Variants in YBEY observed in about 807,000 individuals in gnomAD.
YBEY encodes the protein endoribonuclease YbeY.
In YBEY, 15 loss-of-function variants were observed where a neutral mutation model predicts 13.5. That is an observed-to-expected ratio of 1.11 (90% CI 0.75 to 1.72). The LOEUF (loss-of-function observed/expected upper bound fraction) is 1.72. YBEY is among the 40% of genes most tolerant of loss of function. YBEY has a pLI of 0.00. For missense variants in YBEY, 244 were observed against 208.4 expected (o/e 1.17, Z -1.05); for synonymous variants, 101 against 83.1 (o/e 1.21, Z -1.17).
At chr21:46,311,779 C>T in the YBEY span, 6 of 395,592 alleles carry the variant, frequency 1.5e-5, no homozygotes, top group Middle Eastern at 7.0e-4. Context: ...ATCCACCCAC[C>T]CATCCATCCA....
the YBEY span, among the ~76,000 whole-genome samples, chr21:46,303,984 C>T: frequency 7.0e-6 from 1 of 141,908 alleles, no homozygotes; most frequent in East Asian, 2.1e-4. Context: ...ATCTCCTGAC[C>T]TCATGATCCA....
At chr21:46,307,932 A>T in the YBEY span, among the ~76,000 whole-genome samples, 1 of 152,092 alleles carries the variant, frequency 6.6e-6, no homozygotes, top group Non-Finnish European at 1.5e-5. Flanking sequence ...AATAACTAGA[A>T]CTCACAAACA....
At chr21:46,303,311 C>T in the YBEY span, among the ~76,000 whole-genome samples, 1 of 151,936 alleles carries the variant, frequency 6.6e-6, no homozygotes, top group South Asian at 2.1e-4. Context: ...TGCACTCTAG[C>T]CTGGGTAACA....
chr21:46,293,370 G>T (rs373323390), intron 3 of YBEY, among the ~76,000 whole-genome samples: 1 of 5,908 alleles, frequency 1.7e-4, no homozygotes, highest in African/African-American at 3.7e-4. Context: ...AGTCAGCCAC[G>T]CAAGTTAGAC....
chr21:46,299,265 G>GC (rs1005333333), downstream of YBEY, among the ~76,000 whole-genome samples: 3 of 152,060 alleles, frequency 2.0e-5, no homozygotes, highest in Admixed American at 2.0e-4. Flanking sequence ...GCTGTGCCTG[G>GC]CCCCAACCCT....
the YBEY span, among the ~76,000 whole-genome samples, chr21:46,303,190 T>G: frequency 6.6e-6 from 1 of 151,642 alleles, no homozygotes; most frequent in East Asian, 2.0e-4. Flanking sequence ...TTAAAACATC[T>G]AAGCCAGTTG....
the YBEY span, among the ~76,000 whole-genome samples, chr21:46,309,974 G>C: frequency 6.6e-6 from 1 of 152,084 alleles, no homozygotes; most frequent in African/African-American, 2.4e-5. Flanking sequence ...TCCAGCCTAG[G>C]CGACAGGCAA....
downstream of YBEY, chr21:46,301,711 GC>G: frequency 4.2e-6 from 5 of 1,181,848 alleles, no homozygotes; most frequent in Non-Finnish European, 4.2e-6. Context: ...GGCCGGCGCC[GC>G]CCTACAGGAA....
Position 46,296,194 on chromosome 21 carries a change from G to A in YBEY, c.372G>A (p.Leu124=), listed in dbSNP as rs757432968. The stretch of plus-strand genomic sequence containing the variant: ...CCACCCACGGACTCTGTCACTTGCT[G>A]GGATTCACACACGGCACGGAGGCAG... The part of the protein sequence containing the change: ...VTATHGLCHL[L]GFTHGTEAEW... The change falls in exon 4 of 5, where the codon CTG becomes CTA. Residue 124 remains leucine (L), a synonymous_variant. Transcript: ENST00000397701. 9.3e-6 allele frequency: 15 copies of A among 1,613,728 alleles called. No homozygotes were observed. In the African/African-American group the frequency reaches 1.1e-4, roughly 11 times the overall value.
rs772126564 is a variant in YBEY at position 46,291,372 on chromosome 21, A to G, written c.249A>G (p.Pro83=). ...GTGAATTTCCCCAGCCTGATTTTCC[A>G]GATGACTACAATTTGGGAGACATTT... is the stretch of plus-strand genomic sequence containing the variant. The part of the protein sequence containing the change: ...KAGEFPQPDF[P]DDYNLGDIFL... The change falls in exon 3 of 5, where the codon CCA becomes CCG. Residue 83 remains proline, a synonymous_variant. Transcript: ENST00000397701. The G allele has an allele frequency of 6.8e-6, 11 of 1,614,042 alleles. No homozygotes were observed. The African/African-American group carries it at 1.3e-4, about 20-fold the overall frequency.
intron 3 of YBEY, 150 bp from the exon 4 acceptor site, chr21:46,296,012 T>A: frequency 1.4e-6 from 1 of 690,514 alleles, no homozygotes; most frequent in South Asian, 1.7e-5. Context: ...GAACTGAAGC[T>A]GAGTGCCTGT....
chr21:46,292,850 ACG>A (rs2081789550), intron 3 of YBEY, among the ~76,000 whole-genome samples: 2 of 132,572 alleles, frequency 1.5e-5, no homozygotes, highest in Non-Finnish European at 1.7e-5. Context: ...GGAGTCAGCC[ACG>A]CAAGTTAAAC....
Position 46,287,096 on chromosome 21 carries a change from C to A in YBEY, c.183C>A (p.Thr61=). The A allele has an allele frequency of 1.9e-6, 3 of 1,608,738 alleles. No individual in the cohort carries two copies. The highest frequency in any genetic ancestry group is 2.5e-6 in the Non-Finnish European group (3 of 1,178,162). ...TCTACAGAGATAGAAATGTCCCAAC[C>A]GATGTGCTTTCTTTTCCATTTCATG... The part of the protein sequence containing the change: ...NRIYRDRNVP[T]DVLSFPFHEH... Residue 61 remains threonine, a synonymous_variant, in exon 2 of 5, where the codon ACC becomes ACA. Coordinates refer to ENST00000397701, the MANE Select transcript of YBEY (RefSeq NM_001314025.2).
the YBEY span, among the ~76,000 whole-genome samples, chr21:46,307,739 C>T: frequency 6.6e-6 from 1 of 152,178 alleles, no homozygotes; most frequent in African/African-American, 2.4e-5. Flanking sequence ...AGGCAGGTCA[C>T]TGGGACAGAT....
chr21:46,310,145 T>C, the YBEY span, among the ~76,000 whole-genome samples: 1 of 152,064 alleles, frequency 6.6e-6, no homozygotes, highest in African/African-American at 2.4e-5. Context: ...TGCTCAGTCT[T>C]GATTGTAGTG....
chr21:46,295,466 G>A (rs1328334582), intron 3 of YBEY, among the ~76,000 whole-genome samples: 2 of 151,966 alleles, frequency 1.3e-5, no homozygotes, highest in African/African-American at 2.4e-5. Context: ...CCTGCTCAGG[G>A]TCCACAGGCC....
intron 2 of YBEY, 44 bp from the exon 3 acceptor site, chr21:46,291,290 G>C (rs745650812): frequency 2.1e-5 from 34 of 1,610,822 alleles, no homozygotes; most frequent in Non-Finnish European, 4.2e-6. Flanking sequence ...CTGTGGTTGG[G>C]TTACGTTTCC....
At chr21:46,302,505 C>A (rs1281003912), downstream of YBEY, 4 of 1,611,728 alleles carry the variant, frequency 2.5e-6, no homozygotes, top group Non-Finnish European at 3.4e-6. Flanking sequence ...GGGGGCAGGG[C>A]CTTGAGCATC....
Position 46,286,979 on chromosome 21 carries a change from G to A in YBEY, c.66G>A (p.Lys22=). 1 of 1,614,090 alleles carries A rather than the reference G, an allele frequency of 6.2e-7. No homozygotes were observed. The highest frequency in any genetic ancestry group is 1.1e-5 in the South Asian group (1 of 91,084). The part of the protein sequence containing the change: ...IPIRRAPLRS[K]IEIVRRILGV... Reference sequence around the variant, plus strand: ...TCAGGAGAGCGCCACTTCGCAGTAAGATCGAGATTGTAAGGAGGATTTTAG... The same window carrying A: ...TCAGGAGAGCGCCACTTCGCAGTAAAATCGAGATTGTAAGGAGGATTTTAG... The change falls in exon 2 of 5, where the codon AAG becomes AAA. Residue 22 remains lysine, a synonymous_variant. Transcript: ENST00000397701.
Sources: gnomAD v4.1 joint callset for allele counts (sites outside exome capture counted in the v4.1 genomes callset) on GRCh38, gnomAD v4.1.1 for gene constraint, MANE v1.5 for transcripts, NCBI Gene and HGNC (gene_info 2026-07-23, HGNC 2026-07-21) for gene names.